GTF2IRD1: variants seen among roughly 807,000 people sequenced by gnomAD.
GTF2IRD1 encodes the protein general transcription factor II-I repeat domain-containing protein 1.
In GTF2IRD1, 26 loss-of-function variants were observed where a neutral mutation model predicts 113.2. The observed-to-expected ratio is 0.23, with a 90% CI of 0.17 to 0.32. GTF2IRD1 has a LOEUF of 0.32. Ranked by LOEUF, GTF2IRD1 falls within the 10% of genes least tolerant of loss-of-function variation. The probability of loss-of-function intolerance (pLI) is 1.00; values close to 1 mark genes in which losing one functional copy is unlikely to be tolerated. For missense variants in GTF2IRD1, 864 were observed against 1,280.8 expected (o/e 0.67, Z 4.97); for synonymous variants, 484 against 529.1 (o/e 0.91, Z 1.17).
chr7:74,526,372 C>T (rs781898089), intron 8 of GTF2IRD1, among the ~76,000 whole-genome samples: 4 of 152,282 alleles, frequency 2.6e-5, no homozygotes, highest in Non-Finnish European at 4.4e-5. Context: ...GTGGTGGGGA[C>T]GGGGTCTGGC....
At chr7:74,470,691 A>G (rs1320330333) in intron 1 of GTF2IRD1, among the ~76,000 whole-genome samples, 1 of 152,214 alleles carries the variant, frequency 6.6e-6, no homozygotes, top group Non-Finnish European at 1.5e-5. Flanking sequence ...ATTAGTTAGC[A>G]GTGAAAAAGG....
intron 1 of GTF2IRD1, among the ~76,000 whole-genome samples, chr7:74,457,633 A>G (rs149641147): frequency 5.9e-5 from 9 of 152,084 alleles, no homozygotes; most frequent in Non-Finnish European, 1.3e-4. Context: ...TTGCTCCCCA[A>G]TGTCATCCTC....
chr7:74,478,559 G>A (rs1794561428), intron 1 of GTF2IRD1, among the ~76,000 whole-genome samples: 1 of 151,894 alleles, frequency 6.6e-6, no homozygotes, highest in Non-Finnish European at 1.5e-5. Context: ...GGGCTCAAGC[G>A]ATCCTCCCAC....
At position 74,558,907 on chromosome 7, in the gene GTF2IRD1, G is replaced by C. The variant is rs1799780893; in HGVS notation, c.2154G>C (p.Arg718=). The C allele has an allele frequency of 6.2e-7, 1 of 1,614,038 alleles. No individual in the cohort carries two copies. The highest frequency in any genetic ancestry group is 1.3e-5 in the African/African-American group (1 of 75,032). The change falls in exon 21 of 27, where the codon CGG becomes CGC. Residue 718 remains arginine, a synonymous_variant. Transcript: ENST00000424337. ...ACCCGGTCCAGGTCCCCTACAAGCGGATCAAGAGTAACCCCGGCTCCGTGA... is the reference window on the plus strand; with the variant it reads ...ACCCGGTCCAGGTCCCCTACAAGCGCATCAAGAGTAACCCCGGCTCCGTGA... ...IKYPVQVPYK[R]IKSNPGSVII...
chr7:74,470,780 G>A (rs1020011633), intron 1 of GTF2IRD1, among the ~76,000 whole-genome samples: 1 of 152,038 alleles, frequency 6.6e-6, no homozygotes, highest in African/African-American at 2.4e-5. Flanking sequence ...TGGAAAGGCC[G>A]CTTCCAACCT....
At chr7:74,510,893 AC>A (rs1303669914) in intron 2 of GTF2IRD1, among the ~76,000 whole-genome samples, 2 of 152,034 alleles carry the variant, frequency 1.3e-5, no homozygotes, top group Non-Finnish European at 2.9e-5. Context: ...TACTGAAAAT[AC>A]AAAAATTAGC....
chr7:74,490,039 C>T (rs1312920147), intron 1 of GTF2IRD1, among the ~76,000 whole-genome samples: 1 of 152,022 alleles, frequency 6.6e-6, no homozygotes, highest in Non-Finnish European at 1.5e-5. Context: ...GCAGTCATAG[C>T]TCATTGCAGC....
Position 74,589,766 on chromosome 7 carries a change from G to C in GTF2IRD1, c.2321-85G>C, listed in dbSNP as rs1178126843. On this transcript the variant is annotated intron_variant, in intron 22 of 26. Transcript: ENST00000424337. ...CTGCAGAGAATGTAATGTTTTGGCAGATCAGGGACGCCTGGTGGGAGAAGC... is the reference window on the plus strand; with the variant it reads ...CTGCAGAGAATGTAATGTTTTGGCACATCAGGGACGCCTGGTGGGAGAAGC... 14 of 800,602 alleles carry C rather than the reference G, an allele frequency of 1.7e-5. 1 individual carries two copies. The highest frequency in any genetic ancestry group is 2.3e-4 in the Middle Eastern group (1 of 4,418). The allele number at this position is 800,602 out of a possible 1,614,324, so 49.6% of individuals were successfully genotyped here.
intron 1 of GTF2IRD1, among the ~76,000 whole-genome samples, chr7:74,466,350 C>T (rs1339050414): frequency 1.3e-5 from 2 of 152,110 alleles, no homozygotes; most frequent in Non-Finnish European, 2.9e-5. Context: ...AGAGACAGGA[C>T]GTGACGGTGG....
chr7:74,503,198 G>A (rs1796124446), intron 1 of GTF2IRD1, among the ~76,000 whole-genome samples: 3 of 151,082 alleles, frequency 2.0e-5, no homozygotes, highest in Non-Finnish European at 4.4e-5. Context: ...CCAGGGCCCC[G>A]CTGCCCAGGG....
intron 17 of GTF2IRD1, among the ~76,000 whole-genome samples, chr7:74,551,546 C>G (rs1319967795): frequency 9.9e-5 from 15 of 152,058 alleles, no homozygotes; most frequent in Admixed American, 9.8e-4. Flanking sequence ...GGATATAATG[C>G]AGAGTGAGGG....
chr7:74,588,723 G>A (rs1185851184), intron 22 of GTF2IRD1, among the ~76,000 whole-genome samples: 1 of 151,986 alleles, frequency 6.6e-6, no homozygotes, highest in Non-Finnish European at 1.5e-5. Context: ...GTACAGACGG[G>A]GTTTCACCAT....
chr7:74,459,096 T>A (rs1195403715), intron 1 of GTF2IRD1, among the ~76,000 whole-genome samples: 4 of 151,924 alleles, frequency 2.6e-5, no homozygotes, highest in African/African-American at 9.7e-5. Flanking sequence ...GTATGGAGGG[T>A]CGTGCAGAAA....
At chr7:74,600,680 C>T (rs1169708797) in intron 25 of GTF2IRD1, among the ~76,000 whole-genome samples, 3 of 152,072 alleles carry the variant, frequency 2.0e-5, no homozygotes, top group East Asian at 1.9e-4. Context: ...CACTGGACTC[C>T]AGGCTGGGTG....
chr7:74,476,024 T>A (rs1412503776), intron 1 of GTF2IRD1, among the ~76,000 whole-genome samples: 2 of 152,194 alleles, frequency 1.3e-5, no homozygotes, highest in Non-Finnish European at 2.9e-5. Context: ...GCAGGTGTGG[T>A]CCAGGTACCC....
At chr7:74,598,318 A>T (rs1320140915) in intron 25 of GTF2IRD1, among the ~76,000 whole-genome samples, 7 of 151,960 alleles carry the variant, frequency 4.6e-5, no homozygotes, top group African/African-American at 1.4e-4. Context: ...GGCAGAGAGG[A>T]GGCCAGTCGC....
intron 1 of GTF2IRD1, among the ~76,000 whole-genome samples, chr7:74,490,544 C>A (rs1412998994): frequency 3.5e-5 from 2 of 56,824 alleles, no homozygotes; most frequent in African/African-American, 7.7e-5. Flanking sequence ...GAAAGGATAC[C>A]CCCCCCCCCG....
chr7:74,533,155 G>A (rs587687988), intron 9 of GTF2IRD1, among the ~76,000 whole-genome samples: 109 of 130,788 alleles, frequency 8.3e-4, no homozygotes, highest in Middle Eastern at 4.5e-3. Context: ...TTTTTTTTCA[G>A]ATGGAGTCTC....
intron 22 of GTF2IRD1, among the ~76,000 whole-genome samples, chr7:74,579,635 A>C (rs1401822499): frequency 1.3e-5 from 2 of 151,892 alleles, no homozygotes; most frequent in South Asian, 2.1e-4. Flanking sequence ...AAAAAAAAAA[A>C]ACTACAGTTC....
Sources: allele counts gnomAD v4.1 joint callset (sites outside exome capture counted in the v4.1 genomes callset), GRCh38; gene constraint gnomAD v4.1.1; transcripts MANE v1.5; gene names NCBI Gene and HGNC (gene_info 2026-07-23, HGNC 2026-07-21).